Variants in NRROS observed in about 807,000 individuals in gnomAD.
NRROS encodes transforming growth factor beta activator LRRC33.
Under a neutral mutation model 12.0 loss-of-function variants are expected in NRROS, and 6 were observed. The ratio of observed to expected loss-of-function variants is 0.50; its 90% CI spans 0.27 to 0.98. The LOEUF (loss-of-function observed/expected upper bound fraction) is 0.98. Ranked by LOEUF, NRROS falls within the 50% of genes least tolerant of loss-of-function variation. NRROS has a pLI of 0.11. For synonymous variants in NRROS, 462 were observed against 410.2 expected (o/e 1.13, Z -1.53); for missense variants, 857 against 888.2 (o/e 0.96, Z 0.45).
Position 196,659,814 on chromosome 3 carries a change from C to T in NRROS, c.171C>T (p.Pro57=). ...SLASVPSSLP[P]HARMLTLDAN... ...CTTCGGTGCCCAGCAGCCTCCCGCC[C>T]CACGCCCGGATGCTCACCCTGGATG... The change falls in exon 3 of 3, where the codon CCC becomes CCT. Residue 57 remains proline (P), a synonymous_variant. Coordinates refer to ENST00000328557, the MANE Select transcript of NRROS (RefSeq NM_198565.3). 6.2e-7 allele frequency: 1 copy of T among 1,613,978 alleles called. No individual in the cohort carries two copies. The highest frequency in any genetic ancestry group is 8.5e-7 in the Non-Finnish European group (1 of 1,179,932).
intron 1 of NRROS, among the ~76,000 whole-genome samples, chr3:196,651,627 C>T (rs181753655): frequency 1.1e-3 from 171 of 152,160 alleles, no homozygotes; most frequent in African/African-American, 3.7e-3. Flanking sequence ...ATTAGCCAGG[C>T]GTGGTGGCGT....
chr3:196,659,249 C>T (rs1375167563), intron 2 of NRROS, among the ~76,000 whole-genome samples: 1 of 151,920 alleles, frequency 6.6e-6, no homozygotes, highest in Non-Finnish European at 1.5e-5. Flanking sequence ...CCCTCCAGAC[C>T]CACTTTACTT....
At chr3:196,655,794 G>C (rs1737527981) in intron 2 of NRROS, among the ~76,000 whole-genome samples, 1 of 152,224 alleles carries the variant, frequency 6.6e-6, no homozygotes, top group South Asian at 2.1e-4. Context: ...GCCTAGATGT[G>C]AAAATAGACT....
At chr3:196,651,384 G>A (rs1737422301) in intron 1 of NRROS, among the ~76,000 whole-genome samples, 1 of 152,188 alleles carries the variant, frequency 6.6e-6, no homozygotes, top group South Asian at 2.1e-4. Context: ...ACACATGGTG[G>A]AAAAGGCTGA....
chr3:196,657,569 T>A (rs1414515887), intron 2 of NRROS, among the ~76,000 whole-genome samples: 1 of 151,810 alleles, frequency 6.6e-6, no homozygotes, highest in African/African-American at 2.4e-5. Flanking sequence ...TAGCCCGGTG[T>A]GGTGGTGTGA....
rs1275076567 is a variant in NRROS at position 196,661,000 on chromosome 3, C to T, written c.1357C>T (p.Pro453Ser). ...LPAASDRVGP[P>S]SCVDFRNMAS... is the part of the protein sequence containing the mutation. ...AGCTGCCTCGGACCGGGTGGGCCCC[C>T]CTAGCTGTGTGGATTTCAGGAATAT... Residue 453 changes from proline (P) to serine (S), a missense_variant, in exon 3 of 3, where the codon CCT (proline) becomes TCT (serine). Transcript: ENST00000328557. The surrounding 1 kb of genome is among the most constrained non-coding windows in gnomAD (Gnocchi z 7.7). The T allele has an allele frequency of 1.2e-6, 2 of 1,614,180 alleles. No individual in the cohort carries two copies. Among genetic ancestry groups the T allele is most frequent in the East Asian group, 2.2e-5 (1 of 44,874 alleles).
intron 1 of NRROS, among the ~76,000 whole-genome samples, chr3:196,647,848 T>C (rs2137194): frequency 0.62 from 93,924 of 151,940 alleles, 30,627 homozygotes; most frequent in African/African-American, 0.84. Context: ...CGTGAGCCAC[T>C]GCGCCCAGCC....
intron 1 of NRROS, among the ~76,000 whole-genome samples, chr3:196,649,421 G>A (rs1404555060): frequency 6.6e-6 from 1 of 152,130 alleles, no homozygotes; most frequent in Non-Finnish European, 1.5e-5. Flanking sequence ...CTGCACCTGT[G>A]CGCACTCTGC....
intron 2 of NRROS, among the ~76,000 whole-genome samples, chr3:196,656,651 G>A (rs148300031): frequency 2.4e-4 from 36 of 152,238 alleles, no homozygotes; most frequent in African/African-American, 8.7e-4. Context: ...TCTTACAGAG[G>A]CAATAAAGGA....
intron 1 of NRROS, among the ~76,000 whole-genome samples, chr3:196,650,591 T>A (rs1019673919): frequency 2.0e-5 from 3 of 152,244 alleles, no homozygotes; most frequent in Admixed American, 6.5e-5. Context: ...GCAACAAACA[T>A]AATTTCTAAA....
At chr3:196,644,077 C>T (rs1250752138) in intron 1 of NRROS, among the ~76,000 whole-genome samples, 1 of 152,200 alleles carries the variant, frequency 6.6e-6, no homozygotes, top group African/African-American at 2.4e-5. Flanking sequence ...GTTATTGGGC[C>T]CTTCCTCAGG....
chr3:196,640,733 A>C (rs1737190196), intron 1 of NRROS, among the ~76,000 whole-genome samples: 1 of 152,132 alleles, frequency 6.6e-6, no homozygotes, highest in Admixed American at 6.5e-5. Flanking sequence ...CCTCTGAGAG[A>C]AGGTGGACAC....
rs768506559 is a variant in NRROS at position 196,659,896 on chromosome 3, A to G, written c.253A>G (p.Ser85Gly). The G allele has an allele frequency of 6.2e-7, 1 of 1,614,074 alleles. No individual in the cohort carries two copies. Among genetic ancestry groups the G allele is most frequent in the Non-Finnish European group, 8.5e-7 (1 of 1,179,994 alleles). Reference sequence around the variant, plus strand: ...CCTCCAGCCTTACCCTCTCCTGGAGAGCCTCAGCCTGCACAGCTGCCACCT... The same window carrying G: ...CCTCCAGCCTTACCCTCTCCTGGAGGGCCTCAGCCTGCACAGCTGCCACCT... The part of the protein sequence containing the change: ...HSLQPYPLLE[S>G]LSLHSCHLER... The change falls in exon 3 of 3, where the codon AGC (serine) becomes GGC (glycine). Residue 85 changes from serine (S) to glycine (G), a missense_variant. Transcript: ENST00000328557.
At chr3:196,642,283 G>A (rs1281880124) in intron 1 of NRROS, among the ~76,000 whole-genome samples, 7 of 138,234 alleles carry the variant, frequency 5.1e-5, no homozygotes, top group African/African-American at 8.3e-5. Context: ...AATATGCTTC[G>A]GCAAAAAAGA....
Position 196,661,254 on chromosome 3 carries a change from T to C in NRROS, c.1611T>C (p.Asn537=), listed in dbSNP as rs1313208191. 1 of 1,613,840 alleles carries C rather than the reference T, an allele frequency of 6.2e-7. No homozygotes were observed. Among genetic ancestry groups the C allele is most frequent in the Non-Finnish European group, 8.5e-7 (1 of 1,179,968 alleles). Residue 537 remains asparagine (N), a synonymous_variant, in exon 3 of 3, where the codon AAT becomes AAC. Transcript: ENST00000328557. ...FMALDFSGFG[N]LRDLDLSGNC... is the part of the protein sequence containing the mutation. ...CGTTGGACTTCTCTGGGTTTGGGAA[T>C]CTCAGGGACTTAGATCTGTCGGGGA...
chr3:196,641,540 A>T (rs978109471), intron 1 of NRROS, among the ~76,000 whole-genome samples: 1 of 152,136 alleles, frequency 6.6e-6, no homozygotes, highest in Admixed American at 6.5e-5. Flanking sequence ...CCCTCATGGG[A>T]ACTTCATGAA....
Position 196,654,167 on chromosome 3 carries a change from G to A in NRROS, c.-13-360G>A, listed in dbSNP as rs1388414578. ...GGATGCATCAGACCGATTGGAGCTG[G>A]AGGCAGGAAAACTTCAGCAGAATTA... On this transcript the variant is annotated intron_variant, in intron 1 of 2. Coordinates refer to ENST00000328557, the MANE Select transcript of NRROS (RefSeq NM_198565.3). The surrounding 1 kb of genome is among the most constrained non-coding windows in gnomAD (Gnocchi z 4.4). Among the ~76,000 whole-genome samples, 1 of 152,162 alleles carries A rather than the reference G, an allele frequency of 6.6e-6. No individual in the cohort carries two copies. The highest frequency in any genetic ancestry group is 1.5e-5 in the Non-Finnish European group (1 of 68,032).
intron 1 of NRROS, among the ~76,000 whole-genome samples, chr3:196,653,337 CA>C (rs1256210228): frequency 1.3e-5 from 2 of 152,202 alleles, no homozygotes; most frequent in Non-Finnish European, 2.9e-5. Context: ...CACTGGTGAG[CA>C]TTCAAATCTG....
intron 1 of NRROS, among the ~76,000 whole-genome samples, chr3:196,648,694 A>G (rs1482469407): frequency 7.3e-6 from 1 of 137,316 alleles, no homozygotes; most frequent in Non-Finnish European, 1.5e-5. Context: ...TGAACCCGGG[A>G]GGCGGAGGTT....
Sources: allele counts gnomAD v4.1 joint callset (sites outside exome capture counted in the v4.1 genomes callset), GRCh38; gene constraint gnomAD v4.1.1; non-coding constraint Gnocchi (gnomAD v3.1); transcripts MANE v1.5; gene names NCBI Gene and HGNC (gene_info 2026-07-23, HGNC 2026-07-21).